CCDC39: variants seen among roughly 807,000 people sequenced by gnomAD.
CCDC39 encodes coiled-coil domain 39 molecular ruler complex subunit.
A neutral mutation model predicts 121.0 loss-of-function variants in CCDC39; 113 were observed. The observed-to-expected ratio is 0.93, with a 90% CI of 0.80 to 1.09. CCDC39 has a LOEUF of 1.09. Among genes scored for constraint, CCDC39 ranks in the 50% least tolerant of loss-of-function variants. The pLI is 0.00. For synonymous variants in CCDC39, 349 were observed against 352.2 expected, an observed-to-expected ratio of 0.99 and a Z score of 0.10; for missense variants, 1,063 against 1,074.7, an observed-to-expected ratio of 0.99 and a Z score of 0.15.
At position 180,639,681 on chromosome 3, in the gene CCDC39, G is replaced by A. The variant is rs112849720; in HGVS notation, c.1874+2312C>T. On this transcript the variant is annotated intron_variant, in intron 13 of 19. Coordinates refer to ENST00000476379, the MANE Select transcript of CCDC39 (RefSeq NM_181426.2). Reference sequence around the variant, plus strand: ...TAAAGGACTATACTTTGAGTACAGTGTACACTGCTTGGGTTCAGATACACC... The same window carrying A: ...TAAAGGACTATACTTTGAGTACAGTATACACTGCTTGGGTTCAGATACACC... Among the ~76,000 whole-genome samples, 107 of 152,148 alleles carry A rather than the reference G, an allele frequency of 7.0e-4. 2 individuals carry two copies. Among genetic ancestry groups the A allele is most frequent in the African/African-American group, 2.4e-3 (101 of 41,524 alleles).
intron 1 of CCDC39, among the ~76,000 whole-genome samples, chr3:180,665,498 G>T (rs932547577): frequency 4.6e-5 from 7 of 152,010 alleles, no homozygotes; most frequent in African/African-American, 1.4e-4. Flanking sequence ...TTACTCATTT[G>T]TATGTCCTAT....
intron 14 of CCDC39, among the ~76,000 whole-genome samples, chr3:180,630,865 C>T (rs1717675024): frequency 6.6e-6 from 1 of 152,136 alleles, no homozygotes. Context: ...AGCCCTCTTC[C>T]TCTCTGAACA....
chr3:180,626,817 C>T (rs1173743427), intron 14 of CCDC39, among the ~76,000 whole-genome samples: 1 of 152,146 alleles, frequency 6.6e-6, no homozygotes. Flanking sequence ...TAGGGGTGCA[C>T]TGGAGTGCTT....
chr3:180,649,439 A>T (rs1482955732), intron 9 of CCDC39, among the ~76,000 whole-genome samples: 1 of 152,226 alleles, frequency 6.6e-6, no homozygotes, highest in Non-Finnish European at 1.5e-5. Flanking sequence ...GCAACCAACA[A>T]ACCTGAATAT....
At chr3:180,631,402 G>A in intron 14 of CCDC39, 67 bp downstream of exon 14, 1 of 1,371,542 alleles carries the variant, frequency 7.3e-7, no homozygotes. Flanking sequence ...TAAATTCAGA[G>A]GATTATGATG....
chr3:180,615,316 C>T (rs1012134325), intron 19 of CCDC39, among the ~76,000 whole-genome samples: 1 of 152,034 alleles, frequency 6.6e-6, no homozygotes, highest in Non-Finnish European at 1.5e-5. Flanking sequence ...TATGTTCCTA[C>T]ATGGTAAAAA....
chr3:180,672,078 G>A (rs1473305287), intron 1 of CCDC39, among the ~76,000 whole-genome samples: 1 of 152,180 alleles, frequency 6.6e-6, no homozygotes, highest in East Asian at 1.9e-4. Flanking sequence ...ACAAAGGACA[G>A]GTTGACTCTT....
chr3:180,638,128 A>G (rs1382677889), intron 13 of CCDC39, among the ~76,000 whole-genome samples: 3 of 152,156 alleles, frequency 2.0e-5, no homozygotes, highest in Non-Finnish European at 4.4e-5. Context: ...AAGCAAGAGA[A>G]ACTTTAAAAT....
chr3:180,654,906 A>T lies in CCDC39; in HGVS notation c.786T>A (p.Val262=). The change falls in exon 7 of 20, where the codon GTT becomes GTA. Residue 262 remains valine, a synonymous_variant. Transcript: ENST00000476379. ...TTTCCAAAAACTTGATCTTTTCTTT[A>T]ACCAAATTTTCTTTTTCTCTCGTTT... ...KQETREKENL[V]KEKIKFLESE... is the part of the protein sequence containing the mutation. The T allele has an allele frequency of 6.3e-7, 1 of 1,589,700 alleles. No individual in the cohort carries two copies. Among genetic ancestry groups the T allele is most frequent in the Non-Finnish European group, 8.5e-7 (1 of 1,171,340 alleles).
At chr3:180,675,454 G>T (rs559641560) in intron 1 of CCDC39, among the ~76,000 whole-genome samples, 1 of 152,104 alleles carries the variant, frequency 6.6e-6, no homozygotes, top group Non-Finnish European at 1.5e-5. Flanking sequence ...TTGATTTTTT[G>T]AAGGGTTTTT....
At chr3:180,626,315 G>A (rs890567320) in intron 14 of CCDC39, among the ~76,000 whole-genome samples, 2 of 152,136 alleles carry the variant, frequency 1.3e-5, no homozygotes, top group Non-Finnish European at 2.9e-5. Context: ...GGATGGGTTT[G>A]GGCCAGCAGA....
Position 180,651,512 on chromosome 3 carries a change from A to T in CCDC39, c.1056T>A (p.His352Gln). ...TTAATTTTGTTTGTATTATCTCATT[A>T]TGATTTTTAGTTTTTTGTAACCTGA... ...ETARLQKTKN[H>Q]NEIIQTKLKE... Residue 352 changes from histidine (H) to glutamine (Q), a missense_variant, in exon 9 of 20, where the codon CAT becomes CAA. His to Gln is a conservative substitution (Grantham distance 24). Coordinates refer to ENST00000476379, the MANE Select transcript of CCDC39 (RefSeq NM_181426.2). The T allele has an allele frequency of 6.5e-7, 1 of 1,528,212 alleles. No homozygotes were observed. The highest frequency in any genetic ancestry group is 1.7e-4 in the Middle Eastern group (1 of 5,926). 94.7% of individuals were successfully genotyped at this position (1,528,212 alleles called of 1,614,324 possible). A position where few individuals can be genotyped will look rare whatever the true frequency, so the allele number is the denominator to read the frequency against.
chr3:180,616,268 A>G lies in CCDC39; in HGVS notation c.2669+13T>C. ...TGAGAGTTAAGCAGATTTTTTTTTAACCCTCCGCTTACCTTGCTGATAGTG... is the reference window on the plus strand; with the variant it reads ...TGAGAGTTAAGCAGATTTTTTTTTAGCCCTCCGCTTACCTTGCTGATAGTG... On this transcript the variant is annotated intron_variant, in intron 19 of 19. Coordinates refer to ENST00000476379, the MANE Select transcript of CCDC39 (RefSeq NM_181426.2). The G allele has an allele frequency of 6.2e-7, 1 of 1,611,802 alleles. No individual in the cohort carries two copies. The highest frequency in any genetic ancestry group is 8.5e-7 in the Non-Finnish European group (1 of 1,178,472).
chr3:180,623,802 C>T (rs779233731), intron 14 of CCDC39, among the ~76,000 whole-genome samples: 43 of 151,904 alleles, frequency 2.8e-4, no homozygotes, highest in Non-Finnish European at 5.3e-4. Flanking sequence ...TTTTTCACTC[C>T]ACTGTGGTCT....
At chr3:180,627,122 C>G (rs1717582966) in intron 14 of CCDC39, among the ~76,000 whole-genome samples, 1 of 152,184 alleles carries the variant, frequency 6.6e-6, no homozygotes, top group Non-Finnish European at 1.5e-5. Flanking sequence ...GTCACTTTCA[C>G]AGCAGCCTGC....
intron 10 of CCDC39, among the ~76,000 whole-genome samples, chr3:180,647,790 G>A (rs573112628): frequency 5.3e-5 from 8 of 151,822 alleles, no homozygotes; most frequent in African/African-American, 1.9e-4. Context: ...TGAAAAAAAT[G>A]CTTTTACTCT....
At chr3:180,661,364 A>G (rs1711738166) in intron 3 of CCDC39, among the ~76,000 whole-genome samples, 2 of 152,078 alleles carry the variant, frequency 1.3e-5, no homozygotes, top group Non-Finnish European at 2.9e-5. Context: ...GTATTTCCAT[A>G]TGTATATGCA....
At chr3:180,672,228 C>G (rs572271385) in intron 1 of CCDC39, among the ~76,000 whole-genome samples, 1 of 152,268 alleles carries the variant, frequency 6.6e-6, no homozygotes, top group South Asian at 2.1e-4. Flanking sequence ...GATGACATGT[C>G]TGTTTACAAC....
intron 1 of CCDC39, among the ~76,000 whole-genome samples, chr3:180,673,023 G>A (rs1024088831): frequency 3.3e-5 from 5 of 152,162 alleles, no homozygotes; most frequent in Non-Finnish European, 7.3e-5. Context: ...AGAATCAAAA[G>A]GGGAGCCTGA....
Sources: gnomAD v4.1 joint callset for allele counts (sites outside exome capture counted in the v4.1 genomes callset) on GRCh38, gnomAD v4.1.1 for gene constraint, MANE v1.5 for transcripts, NCBI Gene and HGNC (gene_info 2026-07-23, HGNC 2026-07-21) for gene names.